IHO1: variants seen among roughly 807,000 people sequenced by gnomAD.
IHO1 encodes interactor of HORMAD1 protein 1.
IHO1 carries 13 observed loss-of-function variants against 31.0 expected under a neutral mutation model. The ratio of observed to expected loss-of-function variants is 0.42; its 90% CI spans 0.27 to 0.67. The LOEUF (loss-of-function observed/expected upper bound fraction) is 0.67, where lower values mean the gene tolerates loss of function less well. Ranked by LOEUF, IHO1 falls within the 30% of genes least tolerant of loss-of-function variation. IHO1 has a pLI of 0.24. For synonymous variants in IHO1, 221 were observed against 248.4 expected (o/e 0.89, Z 1.04); for missense variants, 599 against 687.5 (o/e 0.87, Z 1.44).
chr3:49,213,638 G>T (rs772077538), intron 2 of IHO1, among the ~76,000 whole-genome samples: 3 of 152,214 alleles, frequency 2.0e-5, no homozygotes, highest in African/African-American at 7.2e-5. Flanking sequence ...ATGGTGGGCC[G>T]GCACTGCTGG....
intron 6 of IHO1, among the ~76,000 whole-genome samples, chr3:49,248,858 G>A (rs1453550069): frequency 6.6e-6 from 1 of 152,208 alleles, no homozygotes; most frequent in Non-Finnish European, 1.5e-5. Flanking sequence ...AGGAAATGAT[G>A]ATGAGCAGAA....
At chr3:49,250,837 C>T (rs1226060523) in intron 6 of IHO1, among the ~76,000 whole-genome samples, 1 of 152,042 alleles carries the variant, frequency 6.6e-6, no homozygotes, top group East Asian at 2.0e-4. Flanking sequence ...GGAGACCAGC[C>T]TGACCAACAT....
At chr3:49,242,817 C>CA (rs1467641523) in intron 4 of IHO1, among the ~76,000 whole-genome samples, 2 of 151,582 alleles carry the variant, frequency 1.3e-5, no homozygotes, top group East Asian at 1.9e-4. Flanking sequence ...AACAAACAAG[C>CA]AAAAAAACAA....
At chr3:49,234,881 G>T (rs1265555650) in intron 2 of IHO1, among the ~76,000 whole-genome samples, 3 of 149,812 alleles carry the variant, frequency 2.0e-5, no homozygotes, top group Non-Finnish European at 4.4e-5. Context: ...GAGTCTCACT[G>T]TATCACCCAG....
chr3:49,208,757 C>A (rs1362006978), intron 1 of IHO1, among the ~76,000 whole-genome samples: 1 of 152,160 alleles, frequency 6.6e-6, no homozygotes, highest in East Asian at 1.9e-4. Flanking sequence ...CTGTTTTCCC[C>A]ACTTATGCTG....
intron 6 of IHO1, among the ~76,000 whole-genome samples, chr3:49,250,982 C>CCACTG (rs1275834034): frequency 7.2e-5 from 11 of 151,908 alleles, no homozygotes; most frequent in African/African-American, 2.4e-4. Flanking sequence ...CAAGATCGCG[C>CCACTG]CACTGCACTC....
intron 2 of IHO1, among the ~76,000 whole-genome samples, chr3:49,233,888 A>G (rs2046512946): frequency 6.6e-6 from 1 of 152,222 alleles, no homozygotes; most frequent in African/African-American, 2.4e-5. Context: ...AACCACAAAC[A>G]ATAGCATGAG....
chr3:49,207,856 C>G (rs1242197868), intron 1 of IHO1, among the ~76,000 whole-genome samples: 1 of 151,602 alleles, frequency 6.6e-6, no homozygotes, highest in Non-Finnish European at 1.5e-5. Flanking sequence ...TCACTGCAAG[C>G]TCCGCTTCGT....
chr3:49,245,055 C>T (rs2046677429), intron 6 of IHO1: 4 of 558,040 alleles, frequency 7.2e-6, no homozygotes, highest in Non-Finnish European at 6.4e-6. Flanking sequence ...ATCCTTGAGT[C>T]TCAAATTGCT....
Position 49,241,130 on chromosome 3 carries a change from G to A in IHO1, c.232-96G>A, listed in dbSNP as rs2046625630. 7 of 887,754 alleles carry A rather than the reference G, an allele frequency of 7.9e-6. No homozygotes were observed. In the African/African-American group the frequency reaches 8.6e-5, roughly 11 times the overall value. 55.0% of individuals were successfully genotyped at this position (887,754 alleles called of 1,614,324 possible). Reference sequence around the variant, plus strand: ...TGCTATGTTACGTTACAGCAATATGGTTTGCACTTAAATGTGACTCTGCAT... The same window carrying A: ...TGCTATGTTACGTTACAGCAATATGATTTGCACTTAAATGTGACTCTGCAT... On this transcript the variant is annotated intron_variant, in intron 3 of 7. Coordinates refer to ENST00000452691, the MANE Select transcript of IHO1 (RefSeq NM_001135197.2).
rs538477063 is a variant in IHO1 at position 49,211,871 on chromosome 3, A to G, written c.56+35A>G. ...CTGGTTATATTGTCTGATCCTTAAGAGGATTTTCTGGCCGGGCATGATGGC... is the reference window on the plus strand; with the variant it reads ...CTGGTTATATTGTCTGATCCTTAAGGGGATTTTCTGGCCGGGCATGATGGC... On this transcript the variant is annotated intron_variant, in intron 2 of 7. Coordinates refer to ENST00000452691, the MANE Select transcript of IHO1 (RefSeq NM_001135197.2). 1.4e-5 allele frequency: 18 copies of G among 1,295,444 alleles called. 1 individual carries two copies. In the Admixed American group the frequency reaches 2.4e-4, roughly 17 times the overall value. 80.2% of individuals were successfully genotyped at this position (1,295,444 alleles called of 1,614,324 possible). A position where few individuals can be genotyped will look rare whatever the true frequency, so the allele number is the denominator to read the frequency against.
intron 6 of IHO1, 112 bp from the exon 7 acceptor site, chr3:49,255,278 T>C: frequency 1.5e-6 from 1 of 686,192 alleles, no homozygotes. Context: ...GAGGAACCAC[T>C]CCGGTCTGCA....
At chr3:49,255,559 T>A (rs1305434401) in intron 7 of IHO1, 66 bp downstream of exon 7, 233 of 17,018 alleles carry the variant, frequency 0.014, no homozygotes, top group East Asian at 0.058. Flanking sequence ...AGAGAGAAAC[T>A]TTTTTTTTTT....
At chr3:49,195,185 C>T (rs762797475), upstream of IHO1, among the ~76,000 whole-genome samples, 1 of 152,050 alleles carries the variant, frequency 6.6e-6, no homozygotes, top group Admixed American at 6.6e-5. Context: ...TTTGGGAGGC[C>T]GAAGCGGGCA....
intron 4 of IHO1, among the ~76,000 whole-genome samples, chr3:49,242,406 G>C (rs1476722063): frequency 6.6e-6 from 1 of 152,012 alleles, no homozygotes; most frequent in African/African-American, 2.4e-5. Context: ...GGGATTACAG[G>C]CATGAGCCAC....
At chr3:49,244,049 G>A (rs1047067872) in intron 4 of IHO1, among the ~76,000 whole-genome samples, 3 of 151,300 alleles carry the variant, frequency 2.0e-5, no homozygotes, top group African/African-American at 7.3e-5. Context: ...CCGCCTCCCA[G>A]GTTCAAGGAA....
chr3:49,223,680 G>T (rs557937833), intron 2 of IHO1, among the ~76,000 whole-genome samples: 10 of 151,444 alleles, frequency 6.6e-5, no homozygotes, highest in Non-Finnish European at 1.3e-4. Context: ...GAGAGAGTGA[G>T]ACTCCGTCTC....
At chr3:49,222,127 T>G (rs2046361440) in intron 2 of IHO1, among the ~76,000 whole-genome samples, 1 of 152,210 alleles carries the variant, frequency 6.6e-6, no homozygotes, top group African/African-American at 2.4e-5. Context: ...AGAAATCCTT[T>G]GAGAGTCTGT....
intron 3 of IHO1, among the ~76,000 whole-genome samples, chr3:49,239,977 A>G (rs2046610008): frequency 6.6e-6 from 1 of 152,260 alleles, no homozygotes; most frequent in South Asian, 2.1e-4. Context: ...CAAGTTTTAT[A>G]TATAAACTTA....
Sources: gnomAD v4.1 joint callset for allele counts (sites outside exome capture counted in the v4.1 genomes callset) on GRCh38, gnomAD v4.1.1 for gene constraint, MANE v1.5 for transcripts, NCBI Gene and HGNC (gene_info 2026-07-23, HGNC 2026-07-21) for gene names.